The following PAX6 variants were observed in gnomAD, a reference collection of about 807,000 sequenced individuals.
PAX6 encodes paired box 6.
A neutral mutation model predicts 60.7 loss-of-function variants in PAX6; 7 were observed. The ratio of observed to expected loss-of-function variants is 0.12; its 90% CI spans 0.07 to 0.22. The LOEUF is 0.22. Among genes scored for constraint, PAX6 ranks in the 10% least tolerant of loss-of-function variants. The pLI, the probability that PAX6 is intolerant of heterozygous loss-of-function variation, is 1.00. For missense variants in PAX6, 355 were observed against 555.2 expected (o/e 0.64, Z 3.62); for synonymous variants, 208 against 201.2 (o/e 1.03, Z -0.29).
rs1171009926 is a variant in PAX6, at chr11:31,790,097, CAAAAAAA to C, written c.1226-85_1226-79del. ...CATGGAATACAAATTTATAGGTTTA[CAAAAAAA>C]AAAAAAAAAAAAAAAACTAATACTT... On this transcript the variant is annotated intron_variant, in intron 13 of 13. Transcript: ENST00000640368. 665 of 145,236 alleles carry C rather than the reference CAAAAAAA, an allele frequency of 4.6e-3. 5 individuals carry two copies. Among genetic ancestry groups the C allele is most frequent in the East Asian group, 0.026 (136 of 5,198 alleles). 9.0% of individuals were successfully genotyped at this position (145,236 alleles called of 1,614,324 possible). A position where few individuals can be genotyped will look rare whatever the true frequency, so the allele number is the denominator to read the frequency against.
chr11:31,811,749 C>T, upstream of PAX6: 1 of 152,822 alleles, frequency 6.5e-6, no homozygotes, highest in Non-Finnish European at 1.5e-5. Context: ...CCCGCCCCCA[C>T]CCCATCCCAG....
chr11:31,798,482 C>T (rs867532539), intron 8 of PAX6, among the ~76,000 whole-genome samples: 71 of 152,162 alleles, frequency 4.7e-4, no homozygotes, highest in African/African-American at 1.7e-3. Flanking sequence ...GGAGGGGGAC[C>T]CTCTTAGCAC....
intron 4 of PAX6, chr11:31,806,033 A>C: frequency 3.5e-6 from 1 of 285,070 alleles, no homozygotes; most frequent in Non-Finnish European, 6.4e-6. Flanking sequence ...TCGCTCAACT[A>C]GGAGAAGACT....
chr11:31,813,813 AGT>A (rs1957245897), upstream of PAX6, among the ~76,000 whole-genome samples: 1 of 152,060 alleles, frequency 6.6e-6, no homozygotes, highest in Non-Finnish European at 1.5e-5. Flanking sequence ...GAGGGGTGAG[AGT>A]GAGATTTCCT....
At chr11:31,806,629 T>A in intron 3 of PAX6, 167 bp from the exon 4 acceptor site, 1 of 599,220 alleles carries the variant, frequency 1.7e-6, no homozygotes, top group Non-Finnish European at 3.0e-6. Context: ...TGCCCTGCAG[T>A]GCATACAAAA....
At chr11:31,797,417 C>T (rs1377482195) in intron 8 of PAX6, among the ~76,000 whole-genome samples, 1 of 151,320 alleles carries the variant, frequency 6.6e-6, no homozygotes, top group Non-Finnish European at 1.5e-5. Flanking sequence ...ACAGGCAGCA[C>T]GCGATCGCCG....
At position 31,801,927 on chromosome 11, in the gene PAX6, T is replaced by C. The variant is rs887210888; in HGVS notation, c.142-15A>G. The C allele has an allele frequency of 2.5e-6, 4 of 1,609,370 alleles. No homozygotes were observed. The highest frequency in any genetic ancestry group is 3.4e-6 in the Non-Finnish European group (4 of 1,175,906). ...TCTGCATGGGTCTATAACACAAAAA[T>C]ATACCTTCAATGGTATGAGAACTTA... is the stretch of plus-strand genomic sequence containing the variant. On this transcript the variant is annotated splice_polypyrimidine_tract_variant and intron_variant, in intron 5 of 13. Transcript: ENST00000640368.
At chr11:31,802,393 A>C in intron 5 of PAX6, 1 of 387,602 alleles carries the variant, frequency 2.6e-6, no homozygotes, top group South Asian at 3.4e-5. Flanking sequence ...TACGGTTCAT[A>C]AACTGTTCCC....
At chr11:31,802,569 T>A (rs1592558334) in intron 5 of PAX6, 135 bp downstream of exon 5, 1 of 633,010 alleles carries the variant, frequency 1.6e-6, no homozygotes. Flanking sequence ...GGGGAGTGGG[T>A]GGGGGGACTG....
At position 31,794,792 on chromosome 11, in the gene PAX6, G is replaced by A. The variant is rs754609414; in HGVS notation, c.566-4C>T. On this transcript the variant is annotated splice_polypyrimidine_tract_variant and splice_region_variant and intron_variant, in intron 8 of 13. Transcript: ENST00000640368. ...CCTTCCTGTTGCTGGCAGCCATCTG[G>A]AACAAAAAGAATAGGATGGTAAGAG... 11 of 1,614,022 alleles carry A rather than the reference G, an allele frequency of 6.8e-6. No individual in the cohort carries two copies. Among genetic ancestry groups the A allele is most frequent in the Non-Finnish European group, 9.3e-6 (11 of 1,179,964 alleles).
chr11:31,799,827 T>C (rs1952970090), intron 8 of PAX6, among the ~76,000 whole-genome samples: 2 of 152,286 alleles, frequency 1.3e-5, no homozygotes, highest in Middle Eastern at 3.4e-3. Flanking sequence ...TCCCGCATAT[T>C]ATCTCCTTGT....
At chr11:31,799,282 G>A (rs1272621171) in intron 8 of PAX6, among the ~76,000 whole-genome samples, 1 of 152,080 alleles carries the variant, frequency 6.6e-6, no homozygotes, top group East Asian at 1.9e-4. Context: ...CGGGTTCGGG[G>A]CCCGTGCGGG....
chr11:31,812,471 G>C (rs1463949269), upstream of PAX6: 1 of 152,648 alleles, frequency 6.6e-6, no homozygotes, highest in Non-Finnish European at 1.5e-5. Context: ...CTCCCCTTCA[G>C]CTGTTGCCAG....
chr11:31,812,110 C>T (rs1233974941), upstream of PAX6: 1 of 152,310 alleles, frequency 6.6e-6, no homozygotes, highest in African/African-American at 2.4e-5. Flanking sequence ...ACAGAGGGTT[C>T]TTGTGAAAAG....
At position 31,789,277 on chromosome 11, in the gene PAX6, A is replaced by G. The variant is rs1166751427; in HGVS notation, c.*657T>C. ...ACAAATACTTACATTTTGACATAAA[A>G]CAAATTGGATTATATCGAAGACACA... On this transcript the variant is annotated 3_prime_UTR_variant, in exon 14 of 14. Coordinates refer to ENST00000640368, the MANE Select transcript of PAX6 (RefSeq NM_001368894.2). The G allele has an allele frequency of 1.3e-5, 3 of 222,664 alleles. No individual in the cohort carries two copies. Among genetic ancestry groups the G allele is most frequent in the African/African-American group, 6.7e-5 (3 of 44,810 alleles). 13.8% of individuals were successfully genotyped at this position (222,664 alleles called of 1,614,324 possible). A position where few individuals can be genotyped will look rare whatever the true frequency, so the allele number is the denominator to read the frequency against.
At chr11:31,814,470 G>T (rs975709807), upstream of PAX6, 7 of 152,284 alleles carry the variant, frequency 4.6e-5, no homozygotes, top group Admixed American at 4.6e-4. Flanking sequence ...AGTTCTGACA[G>T]TTCTGACACC....
intron 2 of PAX6, 124 bp downstream of exon 2, chr11:31,810,704 A>C: frequency 2.5e-6 from 1 of 397,578 alleles, no homozygotes; most frequent in Non-Finnish European, 4.4e-6. Context: ...TCTCCGGCCC[A>C]ACTCTCCCGG....
intron 1 of PAX6, chr11:31,816,750 G>A (rs922276680): frequency 9.1e-6 from 6 of 659,086 alleles, no homozygotes; most frequent in Non-Finnish European, 1.7e-5. Context: ...TGTCACAGGT[G>A]ACTGAGCTCC....
Position 31,800,818 on chromosome 11 carries a change from G to A in PAX6, c.438C>T (p.Ser146=), listed in dbSNP as rs146769256. 13 of 1,613,998 alleles carry A rather than the reference G, an allele frequency of 8.1e-6. No homozygotes were observed. Among genetic ancestry groups the A allele is most frequent in the African/African-American group, 8.0e-5 (6 of 74,882 alleles). ...SINRVLRNLA[S]EKQQMGADGM... ...CGTCTGCGCCCATCTGTTGCTTTTC[G>A]CTAGCCAGGTTGCGAAGAACTCTGT... The change falls in exon 8 of 14, where the codon AGC becomes AGT. Residue 146 remains serine (S), a synonymous_variant. Coordinates refer to ENST00000640368, the MANE Select transcript of PAX6 (RefSeq NM_001368894.2).
Sources: gnomAD v4.1 joint callset for allele counts (sites outside exome capture counted in the v4.1 genomes callset) on GRCh38, gnomAD v4.1.1 for gene constraint, MANE v1.5 for transcripts, NCBI Gene and HGNC (gene_info 2026-07-23, HGNC 2026-07-21) for gene names.